Variants in ATL1 observed in about 807,000 individuals in gnomAD.
ATL1 encodes atlastin GTPase 1, also known as atlastin-1.
Under a neutral mutation model 75.5 loss-of-function variants are expected in ATL1, and 31 were observed. That is an observed-to-expected ratio of 0.41 (90% CI 0.31 to 0.55). The LOEUF is 0.55. ATL1 is among the 20% of genes least tolerant of loss of function. The pLI is 0.27. For synonymous variants in ATL1, 226 were observed against 233.3 expected, an observed-to-expected ratio of 0.97 and a Z score of 0.28; for missense variants, 405 against 662.6, an observed-to-expected ratio of 0.61 and a Z score of 4.27.
chr14:50,613,426 G>A, intron 7 of ATL1, 75 bp downstream of exon 7: 1 of 1,133,816 alleles, frequency 8.8e-7, no homozygotes, highest in South Asian at 1.3e-5. Flanking sequence ...TTGGTGAATA[G>A]ATACTCAGTA....
chr14:50,623,276 C>G, intron 11 of ATL1, 28 bp downstream of exon 11: 3 of 1,574,510 alleles, frequency 1.9e-6, no homozygotes, highest in Non-Finnish European at 2.6e-6. Context: ...TAAATTCTGT[C>G]TTAAACAAAA....
At chr14:50,576,848 A>T (rs1362793414) in intron 1 of ATL1, among the ~76,000 whole-genome samples, 1 of 151,950 alleles carries the variant, frequency 6.6e-6, no homozygotes, top group Non-Finnish European at 1.5e-5. Flanking sequence ...AAGTGCTGGG[A>T]TTACAGATAT....
upstream of ATL1, chr14:50,559,973 G>A (rs2038814480): frequency 4.1e-6 from 2 of 487,058 alleles, no homozygotes. Context: ...CGTTGAAAAT[G>A]TTGCGGTACG....
intron 4 of ATL1, among the ~76,000 whole-genome samples, chr14:50,593,377 CAT>C (rs926372933): frequency 6.6e-6 from 1 of 151,910 alleles, no homozygotes; most frequent in Non-Finnish European, 1.5e-5. Context: ...GCTGTTATCA[CAT>C]ATATATATAA....
At chr14:50,545,135 A>C (rs1319766439) in intron 1 of ATL1, among the ~76,000 whole-genome samples, 1 of 152,138 alleles carries the variant, frequency 6.6e-6, no homozygotes, top group African/African-American at 2.4e-5. Context: ...TAAGAAAAAC[A>C]GTCTCATTGC....
intron 8 of ATL1, 54 bp downstream of exon 8, chr14:50,614,565 T>G: frequency 6.4e-7 from 1 of 1,563,720 alleles, no homozygotes; most frequent in South Asian, 1.1e-5. Context: ...TATAAAAATG[T>G]CATTTTATCT....
Position 50,632,343 on chromosome 14 carries a change from A to G in ATL1, c.*4A>G. 1 of 1,559,062 alleles carries G rather than the reference A, an allele frequency of 6.4e-7. No homozygotes were observed. Reference sequence around the variant, plus strand: ...ATCAGAAAAGAAAAAAATGTAATGCAAATTTTAAGAAATACAGGTGCATGA... The same window carrying G: ...ATCAGAAAAGAAAAAAATGTAATGCGAATTTTAAGAAATACAGGTGCATGA... On this transcript the variant is annotated 3_prime_UTR_variant, in exon 14 of 14. Coordinates refer to ENST00000358385, the MANE Select transcript of ATL1 (RefSeq NM_015915.5).
intron 1 of ATL1, among the ~76,000 whole-genome samples, chr14:50,577,370 T>G (rs907969896): frequency 2.0e-5 from 3 of 152,200 alleles, no homozygotes; most frequent in Non-Finnish European, 4.4e-5. Context: ...GGCTATACAT[T>G]TTTAAGAAAT....
intron 1 of ATL1, among the ~76,000 whole-genome samples, chr14:50,566,782 T>C (rs550190419): frequency 6.6e-6 from 1 of 152,306 alleles, no homozygotes; most frequent in Non-Finnish European, 1.5e-5. Flanking sequence ...CTATGGTGTA[T>C]TTTAATAAAC....
chr14:50,547,587 A>G (rs939945973), intron 1 of ATL1, among the ~76,000 whole-genome samples: 2 of 152,232 alleles, frequency 1.3e-5, no homozygotes, highest in African/African-American at 4.8e-5. Context: ...ACAATCCAGA[A>G]GTTACATAAG....
intron 6 of ATL1, among the ~76,000 whole-genome samples, chr14:50,598,980 C>T (rs1302113121): frequency 6.6e-6 from 1 of 152,078 alleles, no homozygotes; most frequent in Non-Finnish European, 1.5e-5. Context: ...CAAGTTAAAA[C>T]TATAAAGCTA....
At chr14:50,629,254 C>G (rs1038731353) in intron 12 of ATL1, among the ~76,000 whole-genome samples, 1 of 152,114 alleles carries the variant, frequency 6.6e-6, no homozygotes, top group Non-Finnish European at 1.5e-5. Context: ...TACCTGTAGG[C>G]AGCAGGTAAT....
rs149064011 is a variant in ATL1, at chr14:50,577,353, G to A, written c.35-10478G>A. 2.0e-5 allele frequency among the ~76,000 whole-genome samples: 3 copies of A among 152,284 alleles called. No individual in the cohort carries two copies. The East Asian group carries it at 5.8e-4, about 29-fold the overall frequency. On this transcript the variant is annotated intron_variant, in intron 1 of 13. Transcript: ENST00000358385. ...GCTGGGGTTACAGGCCTGAGCCACTGTGCCCAGGCTATACATTTTTAAGAA... is the reference window on the plus strand; with the variant it reads ...GCTGGGGTTACAGGCCTGAGCCACTATGCCCAGGCTATACATTTTTAAGAA...
intron 10 of ATL1, among the ~76,000 whole-genome samples, 193 bp downstream of exon 10, chr14:50,622,092 CACAA>C (rs1350809775): frequency 1.3e-5 from 2 of 152,220 alleles, no homozygotes; most frequent in Admixed American, 1.3e-4. Flanking sequence ...TGTGTTGAGA[CACAA>C]ACACTTTATA....
intron 6 of ATL1, among the ~76,000 whole-genome samples, chr14:50,612,234 G>A (rs954415900): frequency 6.6e-6 from 1 of 152,082 alleles, no homozygotes; most frequent in African/African-American, 2.4e-5. Context: ...AGTCAGGCAC[G>A]TGGTTACCCT....
intron 1 of ATL1, among the ~76,000 whole-genome samples, chr14:50,581,940 T>G (rs2039059279): frequency 6.6e-6 from 1 of 152,166 alleles, no homozygotes; most frequent in Non-Finnish European, 1.5e-5. Context: ...TCAAGAACTA[T>G]CAAGCTTTAT....
In ATL1 at chr14:50,615,218, C is replaced by T. The variant is rs150300414; in HGVS notation, c.862+707C>T. Among the ~76,000 whole-genome samples the T allele has an allele frequency of 8.5e-4, 130 of 152,226 alleles. 1 individual carries two copies. The highest frequency in any genetic ancestry group is 2.6e-3 in the African/African-American group (106 of 41,532). ...GTAGACATACGCTTTGTAGTTAGTA[C>T]GACATTGTTCAAAGACATGACTTTT... is the stretch of plus-strand genomic sequence containing the variant. On this transcript the variant is annotated intron_variant, in intron 8 of 13. Transcript: ENST00000358385.
At position 50,593,834 on chromosome 14, in the gene ATL1, T is replaced by C. The variant is rs866397912; in HGVS notation, c.523-12T>C. On this transcript the variant is annotated splice_polypyrimidine_tract_variant and intron_variant, in intron 4 of 13. Transcript: ENST00000358385. ...AGTTATCTTATCATTGTAATTTTATTTCTTTATCAAGGTATATAACTTATC... is the reference window on the plus strand; with the variant it reads ...AGTTATCTTATCATTGTAATTTTATCTCTTTATCAAGGTATATAACTTATC... 6.5e-7 allele frequency: 1 copy of C among 1,548,160 alleles called. No homozygotes were observed. The highest frequency in any genetic ancestry group is 1.7e-4 in the Middle Eastern group (1 of 5,820).
At position 50,590,975 on chromosome 14, in the gene ATL1, C is replaced by T. The variant is rs1268625861; in HGVS notation, c.317C>T (p.Pro106Leu). 2 of 1,613,722 alleles carry T rather than the reference C, an allele frequency of 1.2e-6. No homozygotes were observed. Among genetic ancestry groups the T allele is most frequent in the East Asian group, 4.5e-5 (2 of 44,860 alleles). The change falls in exon 3 of 14, where the codon CCA becomes CTA. Residue 106 changes from proline (P) to leucine (L), a missense_variant. This residue lies in a region of ATL1 where 126 missense variants were observed against 172.0 expected (regional missense o/e 0.73). Transcript: ENST00000358385. ...SVDWVGDYNE[P>L]LTGFSWRGGS... is the part of the protein sequence containing the mutation. The stretch of plus-strand genomic sequence containing the variant: ...GATTGGGTTGGAGACTACAATGAAC[C>T]ATTGACTGGTTTTTCATGGAGAGGT...
Sources: gnomAD v4.1 joint callset for allele counts (sites outside exome capture counted in the v4.1 genomes callset) on GRCh38, gnomAD v4.1.1 for gene constraint, gnomAD v4.1.1 regional missense constraint, MANE v1.5 for transcripts, NCBI Gene and HGNC (gene_info 2026-07-23, HGNC 2026-07-21) for gene names.